PRR16: variants seen among roughly 807,000 people sequenced by gnomAD.
The protein encoded by PRR16 is protein Largen.
In PRR16, 6 loss-of-function variants were observed where a neutral mutation model predicts 18.2. That is an observed-to-expected ratio of 0.33 (90% CI 0.18 to 0.65). The LOEUF is 0.65. PRR16 is among the 30% of genes least tolerant of loss of function. The pLI is 0.74. For synonymous variants in PRR16, 151 were observed against 147.8 expected (o/e 1.02, Z -0.16); for missense variants, 412 against 376.6 (o/e 1.09, Z -0.78).
chr5:120,730,490 A>G, the PRR16 span, among the ~76,000 whole-genome samples: 1 of 152,192 alleles, frequency 6.6e-6, no homozygotes, highest in African/African-American at 2.4e-5. Context: ...CATAGTGGTC[A>G]AATTATAAGA....
At chr5:120,781,420 T>TAAA in the PRR16 span, 1 of 152,122 alleles carries the variant, frequency 6.6e-6, no homozygotes, top group African/African-American at 2.4e-5. Context: ...CATGAGTGAA[T>TAAA]AAAAAAATAT....
intron 1 of PRR16, among the ~76,000 whole-genome samples, chr5:120,575,285 G>A (rs1753036258): frequency 6.9e-6 from 1 of 144,172 alleles, no homozygotes; most frequent in African/African-American, 2.6e-5. Context: ...ATCAAAAACT[G>A]GATGTAACCT....
the PRR16 span, among the ~76,000 whole-genome samples, chr5:120,742,133 T>C: frequency 6.6e-6 from 1 of 152,012 alleles, no homozygotes; most frequent in African/African-American, 2.4e-5. Flanking sequence ...CAATATATAA[T>C]ATTTCATTAT....
the PRR16 span, among the ~76,000 whole-genome samples, chr5:120,732,597 G>A: frequency 8.5e-5 from 13 of 152,132 alleles, no homozygotes; most frequent in Non-Finnish European, 1.8e-4. Flanking sequence ...CCAAGGGCCT[G>A]ATGGGGATAG....
intron 1 of PRR16, among the ~76,000 whole-genome samples, chr5:120,601,502 CT>C (rs1265530797): frequency 2.0e-5 from 3 of 151,960 alleles, no homozygotes; most frequent in African/African-American, 7.2e-5. Flanking sequence ...AATATTTTTT[CT>C]ATTCTATGCG....
At chr5:120,503,805 A>G (rs375089524) in intron 1 of PRR16, among the ~76,000 whole-genome samples, 1,773 of 148,554 alleles carry the variant, frequency 0.012, 35 homozygotes, top group African/African-American at 0.042. Flanking sequence ...CCACCCCACA[A>G]CAGTCCCCAG....
chr5:120,784,672 A>C, the PRR16 span, among the ~76,000 whole-genome samples: 1 of 152,226 alleles, frequency 6.6e-6, no homozygotes, highest in Non-Finnish European at 1.5e-5. Flanking sequence ...ACCTGTCTTA[A>C]GAGCTAGATT....
chr5:120,749,153 G>T, the PRR16 span, among the ~76,000 whole-genome samples: 1 of 151,852 alleles, frequency 6.6e-6, no homozygotes, highest in Non-Finnish European at 1.5e-5. Context: ...CTAAAGCAAC[G>T]TTAAACTCAT....
At chr5:120,578,455 T>C (rs1753153792) in intron 1 of PRR16, among the ~76,000 whole-genome samples, 1 of 152,188 alleles carries the variant, frequency 6.6e-6, no homozygotes. Flanking sequence ...TTTCCATGTG[T>C]TCTCAATGTT....
At chr5:120,591,067 C>T (rs1753619553) in intron 1 of PRR16, among the ~76,000 whole-genome samples, 1 of 151,890 alleles carries the variant, frequency 6.6e-6, no homozygotes, top group Non-Finnish European at 1.5e-5. Flanking sequence ...ATCACAAGGT[C>T]AGGAGTTTGA....
chr5:120,557,829 A>G (rs1000237810), intron 1 of PRR16, among the ~76,000 whole-genome samples: 1 of 151,900 alleles, frequency 6.6e-6, no homozygotes, highest in Non-Finnish European at 1.5e-5. Flanking sequence ...TTTAATGTAG[A>G]TACTTCTGAA....
chr5:120,668,381 A>G (rs995930097), intron 1 of PRR16, among the ~76,000 whole-genome samples: 1 of 149,658 alleles, frequency 6.7e-6, no homozygotes, highest in Non-Finnish European at 1.5e-5. Context: ...TGAATACAGC[A>G]CACTGATGGG....
At chr5:120,620,095 T>G (rs1220864273) in intron 1 of PRR16, among the ~76,000 whole-genome samples, 1 of 152,114 alleles carries the variant, frequency 6.6e-6, no homozygotes, top group Non-Finnish European at 1.5e-5. Flanking sequence ...TAAAGAAAGA[T>G]TCACAATAAA....
At chr5:120,785,223 C>A in the PRR16 span, among the ~76,000 whole-genome samples, 1 of 152,080 alleles carries the variant, frequency 6.6e-6, no homozygotes, top group African/African-American at 2.4e-5. Context: ...GGGCTACAAC[C>A]TTTTTCTAAC....
the PRR16 span, among the ~76,000 whole-genome samples, chr5:120,764,703 T>G: frequency 6.6e-6 from 1 of 152,114 alleles, no homozygotes; most frequent in Non-Finnish European, 1.5e-5. Flanking sequence ...GAAGTGTATA[T>G]AATGCATTTA....
intron 1 of PRR16, among the ~76,000 whole-genome samples, chr5:120,499,996 A>T (rs558651754): frequency 6.6e-6 from 1 of 151,930 alleles, no homozygotes; most frequent in Non-Finnish European, 1.5e-5. Flanking sequence ...CTGTTTTTTG[A>T]GTATTAACCT....
intron 1 of PRR16, among the ~76,000 whole-genome samples, chr5:120,512,526 G>C (rs1458988315): frequency 2.0e-5 from 3 of 152,092 alleles, no homozygotes; most frequent in Non-Finnish European, 4.4e-5. Context: ...GGTGGTTTCT[G>C]GCGGCATAGA....
chr5:120,784,619 A>G, the PRR16 span, among the ~76,000 whole-genome samples: 1 of 152,200 alleles, frequency 6.6e-6, no homozygotes, highest in Admixed American at 6.5e-5. Context: ...ATCTGAATAA[A>G]AATGGGCAAG....
At chr5:120,747,159 CAT>C in the PRR16 span, among the ~76,000 whole-genome samples, 1 of 152,148 alleles carries the variant, frequency 6.6e-6, no homozygotes, top group Non-Finnish European at 1.5e-5. Flanking sequence ...AAACCCCAAA[CAT>C]ATTTTTTCAT....
Sources: allele counts gnomAD v4.1 joint callset (sites outside exome capture counted in the v4.1 genomes callset), GRCh38; gene constraint gnomAD v4.1.1; transcripts MANE v1.5; gene names NCBI Gene and HGNC (gene_info 2026-07-23, HGNC 2026-07-21).